NSUN7: variants seen among roughly 807,000 people sequenced by gnomAD.
The protein encoded by NSUN7 is NOP2/Sun RNA methyltransferase family member 7.
Under a neutral mutation model 58.5 loss-of-function variants are expected in NSUN7, and 39 were observed. That is an observed-to-expected ratio of 0.67 (90% CI 0.52 to 0.87). The LOEUF is 0.87. Among genes scored for constraint, NSUN7 ranks in the 40% least tolerant of loss-of-function variants. The probability of loss-of-function intolerance (pLI) is 0.00; values close to 1 mark genes in which losing one functional copy is unlikely to be tolerated. For missense variants in NSUN7, 765 were observed against 844.1 expected (o/e 0.91, Z 1.16); for synonymous variants, 278 against 303.7 (o/e 0.92, Z 0.88).
rs1741386432 is a variant in NSUN7 at position 40,760,315 on chromosome 4, G to A, written c.299-119G>A. 4.2e-6 allele frequency: 3 copies of A among 718,200 alleles called. No homozygotes were observed. The South Asian group carries it at 4.8e-5, about 12-fold the overall frequency. The allele number at this position is 718,200 out of a possible 1,614,324, so 44.5% of individuals were successfully genotyped here. On this transcript the variant is annotated intron_variant, in intron 2 of 11. Coordinates refer to ENST00000381782, the MANE Select transcript of NSUN7 (RefSeq NM_024677.6). Reference sequence around the variant, plus strand: ...AATTTAAGTCATTATCCAGAATTGAGGTATATTTTAGATATGAAAGTAAAT... The same window carrying A: ...AATTTAAGTCATTATCCAGAATTGAAGTATATTTTAGATATGAAAGTAAAT...
rs372231273 is a variant in NSUN7, at chr4:40,807,350, C to CTT, written c.1524+181_1524+182dup. 8.4e-4 allele frequency among the ~76,000 whole-genome samples: 117 copies of CTT among 139,828 alleles called. 1 individual carries two copies. Among genetic ancestry groups the CTT allele is most frequent in the Non-Finnish European group, 1.1e-3 (68 of 64,560 alleles). The allele number at this position is 139,828 out of a possible 152,430, so 91.7% of individuals were successfully genotyped here. A position where few individuals can be genotyped will look rare whatever the true frequency, so the allele number is the denominator to read the frequency against. On this transcript the variant is annotated intron_variant, in intron 11 of 11. Coordinates refer to ENST00000381782, the MANE Select transcript of NSUN7 (RefSeq NM_024677.6). ...CAAGAATTGGCAAATAAGCCCTGTTCTTTTTTTTTTTTTTTTGAGACAGAG... is the reference window on the plus strand; with the variant it reads ...CAAGAATTGGCAAATAAGCCCTGTTCTTTTTTTTTTTTTTTTTTGAGACAGAG...
rs1398453110 is a variant in NSUN7 at position 40,766,961 on chromosome 4, ATTC to A, written c.488+5665_488+5667del. Among the ~76,000 whole-genome samples, 9 of 149,134 alleles carry A rather than the reference ATTC, an allele frequency of 6.0e-5. No homozygotes were observed. In the East Asian group the frequency reaches 1.8e-3, roughly 29 times the overall value. On this transcript the variant is annotated intron_variant, in intron 4 of 11. Coordinates refer to ENST00000381782, the MANE Select transcript of NSUN7 (RefSeq NM_024677.6). ...TATCATTTTTTATTGCGTCTATTTG[ATTC>A]TTCTCTCTTTTTTTCTTTATTAGTC...
In NSUN7 at chr4:40,810,577, C is replaced by T. The variant is rs1454968715; in HGVS notation, c.*1638C>T. On this transcript the variant is annotated 3_prime_UTR_variant, in exon 12 of 12. Transcript: ENST00000381782. ...TGGGAAGCAGAGTGAGACCTTGCCTCAAAAAAAAAAAAAAAAAAAAAAAAG... is the reference window on the plus strand; with the variant it reads ...TGGGAAGCAGAGTGAGACCTTGCCTTAAAAAAAAAAAAAAAAAAAAAAAAG... 6 of 66,378 alleles carry T rather than the reference C, an allele frequency of 9.0e-5. No individual in the cohort carries two copies. Among genetic ancestry groups the T allele is most frequent in the Non-Finnish European group, 1.4e-4 (5 of 36,396 alleles). 4.1% of individuals were successfully genotyped at this position (66,378 alleles called of 1,614,324 possible).
chr4:40,800,891 G>T (rs1743550111), intron 10 of NSUN7, among the ~76,000 whole-genome samples: 1 of 151,910 alleles, frequency 6.6e-6, no homozygotes, highest in Non-Finnish European at 1.5e-5. Flanking sequence ...AATTTACCTT[G>T]TCAGAAAAGG....
At chr4:40,772,198 C>T (rs1161960367) in intron 4 of NSUN7, among the ~76,000 whole-genome samples, 1 of 152,058 alleles carries the variant, frequency 6.6e-6, no homozygotes, top group Non-Finnish European at 1.5e-5. Flanking sequence ...GTATACACAG[C>T]ACATGTATAT....
intron 9 of NSUN7, among the ~76,000 whole-genome samples, chr4:40,796,800 C>T (rs1057214171): frequency 2.0e-5 from 3 of 152,194 alleles, no homozygotes; most frequent in Admixed American, 6.5e-5. Context: ...TCACTCTGTG[C>T]TCTCTAGAAT....
chr4:40,786,566 C>A (rs1331175958), intron 7 of NSUN7: 21 of 1,613,154 alleles, frequency 1.3e-5, no homozygotes, highest in Non-Finnish European at 1.7e-5. Flanking sequence ...AAATTGTTAG[C>A]AATGGGTGAC....
intron 4 of NSUN7, among the ~76,000 whole-genome samples, chr4:40,772,096 A>G (rs924171467): frequency 6.6e-6 from 1 of 152,060 alleles, no homozygotes; most frequent in Non-Finnish European, 1.5e-5. Context: ...TGTACACTTT[A>G]TTTTTTGTGG....
At chr4:40,759,379 A>G (rs1741328966) in intron 2 of NSUN7, among the ~76,000 whole-genome samples, 2 of 152,220 alleles carry the variant, frequency 1.3e-5, no homozygotes, top group Non-Finnish European at 1.5e-5. Flanking sequence ...TAGTCGTACC[A>G]AAAAGAACAC....
chr4:40,790,461 T>C (rs1743027517), intron 7 of NSUN7, 141 bp from the exon 8 acceptor site: 1 of 545,148 alleles, frequency 1.8e-6, no homozygotes, highest in Non-Finnish European at 3.2e-6. Flanking sequence ...CAGAGAAGAA[T>C]AGCCTTCTTT....
chr4:40,789,138 T>C (rs1246709114), intron 7 of NSUN7, among the ~76,000 whole-genome samples: 1 of 152,214 alleles, frequency 6.6e-6, no homozygotes, highest in East Asian at 1.9e-4. Flanking sequence ...CCTCTTTCTC[T>C]CTGTCCCCCA....
chr4:40,750,444 CTTTTT>C (rs145071809), intron 1 of NSUN7, 144 bp downstream of exon 1: 139 of 270,902 alleles, frequency 5.1e-4, no homozygotes, highest in Middle Eastern at 1.2e-3. Context: ...CCCCTCCTCG[CTTTTT>C]TTTTTTTTTT....
rs1268046461 is a variant in NSUN7 at position 40,808,948 on chromosome 4, T to G, written c.*9T>G. 1.3e-6 allele frequency: 2 copies of G among 1,504,650 alleles called. No homozygotes were observed. Among genetic ancestry groups the G allele is most frequent in the Non-Finnish European group, 1.8e-6 (2 of 1,129,270 alleles). 93.2% of individuals were successfully genotyped at this position (1,504,650 alleles called of 1,614,324 possible). ...CTCGGCGATGGCTTTGATTGTCTTG[T>G]GTTTTTTATAGGGGCCAAAGAGCAG... On this transcript the variant is annotated 3_prime_UTR_variant, in exon 12 of 12. Transcript: ENST00000381782.
At chr4:40,790,894 A>T (rs1462693427) in intron 8 of NSUN7, 149 bp downstream of exon 8, 8 of 575,856 alleles carry the variant, frequency 1.4e-5, no homozygotes, top group Non-Finnish European at 2.1e-5. Context: ...AAAGTCCTTT[A>T]CCTCTGTTAC....
chr4:40,762,141 C>T (rs1228198343), intron 4 of NSUN7, among the ~76,000 whole-genome samples: 2 of 152,210 alleles, frequency 1.3e-5, no homozygotes, highest in Non-Finnish European at 2.9e-5. Context: ...AAGGCCCTCA[C>T]CAAATGCCAG....
chr4:40,798,728 AC>A, intron 9 of NSUN7, 58 bp from the exon 10 acceptor site: 2 of 927,544 alleles, frequency 2.2e-6, no homozygotes, highest in Non-Finnish European at 3.3e-6. Context: ...GAAACATAGC[AC>A]ATTTGTATAG....
intron 2 of NSUN7, among the ~76,000 whole-genome samples, chr4:40,753,616 C>T (rs999205278): frequency 1.3e-5 from 2 of 152,242 alleles, no homozygotes; most frequent in African/African-American, 2.4e-5. Flanking sequence ...TTTCTTGAAA[C>T]GTTCGTTTTT....
chr4:40,799,077 T>C (rs996002430), intron 10 of NSUN7, among the ~76,000 whole-genome samples, 173 bp downstream of exon 10: 15 of 128,980 alleles, frequency 1.2e-4, no homozygotes, highest in Non-Finnish European at 2.3e-4. Context: ...CTTTTTCTTT[T>C]TTTTTTTTTT....
intron 10 of NSUN7, among the ~76,000 whole-genome samples, chr4:40,803,826 C>G (rs1000213628): frequency 2.0e-5 from 3 of 152,136 alleles, no homozygotes; most frequent in Non-Finnish European, 4.4e-5. Flanking sequence ...TTATTCTCCC[C>G]TATTGAATGG....
Sources: allele counts gnomAD v4.1 joint callset (sites outside exome capture counted in the v4.1 genomes callset), GRCh38; gene constraint gnomAD v4.1.1; transcripts MANE v1.5; gene names NCBI Gene and HGNC (gene_info 2026-07-23, HGNC 2026-07-21).